NKIRAS1: variants seen among roughly 807,000 people sequenced by gnomAD.
NKIRAS1 encodes the protein NF-kappa-B inhibitor-interacting Ras-like protein 1.
Under a neutral mutation model 19.8 loss-of-function variants are expected in NKIRAS1, and 16 were observed. The observed-to-expected ratio is 0.81, with a 90% CI of 0.55 to 1.23. The LOEUF (loss-of-function observed/expected upper bound fraction) is 1.23. Ranked by LOEUF, NKIRAS1 falls within the 50% of genes most tolerant of loss-of-function variation. NKIRAS1 has a pLI of 0.00. For missense variants in NKIRAS1, 184 were observed against 220.0 expected (o/e 0.84, Z 1.04); for synonymous variants, 88 against 79.0 (o/e 1.11, Z -0.61).
At chr3:23,894,322 G>C (rs1351854422) in intron 4 of NKIRAS1, among the ~76,000 whole-genome samples, 1 of 152,198 alleles carries the variant, frequency 6.6e-6, no homozygotes, top group Admixed American at 6.5e-5. Context: ...GAGCAGCAGT[G>C]AACTCATCAG....
At chr3:23,937,989 G>C (rs189843071) in intron 1 of NKIRAS1, among the ~76,000 whole-genome samples, 4 of 151,854 alleles carry the variant, frequency 2.6e-5, no homozygotes, top group African/African-American at 9.7e-5. Flanking sequence ...CAAGAAACTG[G>C]GTCTATATCT....
intron 3 of NKIRAS1, among the ~76,000 whole-genome samples, chr3:23,908,947 G>T (rs1210969488): frequency 6.6e-6 from 1 of 151,362 alleles, no homozygotes; most frequent in African/African-American, 2.4e-5. Flanking sequence ...TCCCACCTTG[G>T]CCTCCCAAAG....
chr3:23,933,951 C>A (rs1705355344), intron 1 of NKIRAS1, among the ~76,000 whole-genome samples: 1 of 152,170 alleles, frequency 6.6e-6, no homozygotes. Flanking sequence ...GCTTCAACAT[C>A]TTTTACAATG....
intron 1 of NKIRAS1, among the ~76,000 whole-genome samples, chr3:23,940,401 A>G (rs1705472510): frequency 6.6e-6 from 1 of 152,052 alleles, no homozygotes; most frequent in Non-Finnish European, 1.5e-5. Context: ...ATTAAACACA[A>G]CTTGACAGTT....
At chr3:23,911,724 T>C (rs1703757357) in intron 1 of NKIRAS1, among the ~76,000 whole-genome samples, 1 of 151,472 alleles carries the variant, frequency 6.6e-6, no homozygotes, top group Non-Finnish European at 1.5e-5. Flanking sequence ...GTCAGTCTTT[T>C]CTCGAGAAGG....
intron 1 of NKIRAS1, among the ~76,000 whole-genome samples, chr3:23,942,952 C>T (rs758623064): frequency 6.6e-6 from 1 of 151,948 alleles, no homozygotes; most frequent in Non-Finnish European, 1.5e-5. Flanking sequence ...TTCGCCATAT[C>T]GCCCAGGCTA....
intron 1 of NKIRAS1, among the ~76,000 whole-genome samples, chr3:23,913,675 C>G (rs910591527): frequency 1.3e-5 from 2 of 152,190 alleles, no homozygotes; most frequent in Non-Finnish European, 2.9e-5. Context: ...AAGTTTGGTT[C>G]TTAAAGCACT....
At chr3:23,937,645 T>C (rs1485978780) in intron 1 of NKIRAS1, among the ~76,000 whole-genome samples, 3 of 152,116 alleles carry the variant, frequency 2.0e-5, no homozygotes, top group African/African-American at 7.2e-5. Context: ...GCATTTCATA[T>C]AGCATTTTTT....
chr3:23,918,065 A>G (rs1704766565), upstream of NKIRAS1: 2 of 1,584,452 alleles, frequency 1.3e-6, no homozygotes, highest in Non-Finnish European at 1.7e-6. Flanking sequence ...CTTGGATAAA[A>G]TTATATTCGA....
chr3:23,918,418 T>C (rs780161534), upstream of NKIRAS1: 1 of 1,608,506 alleles, frequency 6.2e-7, no homozygotes, highest in Non-Finnish European at 8.5e-7. Context: ...AAATCACTAA[T>C]TTCGTGTGTG....
rs1325558596 is a variant in NKIRAS1 at position 23,891,143 on chromosome 3, AAAAAAGGTCTG to A, written c.*1941_*1951del. 1 of 152,638 alleles carries A rather than the reference AAAAAAGGTCTG, an allele frequency of 6.6e-6. No homozygotes were observed. The highest frequency in any genetic ancestry group is 1.5e-5 in the Non-Finnish European group (1 of 68,096). The allele number at this position is 152,638 out of a possible 1,614,324, so 9.5% of individuals were successfully genotyped here. ...TTTTATATGCCAATCTACTTTGTTT[AAAAAAGGTCTG>A]AATCAGGACTTGTGAAAACCTGTAG... On this transcript the variant is annotated 3_prime_UTR_variant, in exon 5 of 5. Transcript: ENST00000425478.
upstream of NKIRAS1, chr3:23,917,832 C>G (rs1432442154): frequency 2.5e-6 from 4 of 1,598,732 alleles, no homozygotes; most frequent in Non-Finnish European, 3.4e-6. Flanking sequence ...ATATTTAATA[C>G]ACAGTTTGAT....
chr3:23,924,934 G>T (rs7633520), intron 1 of NKIRAS1, among the ~76,000 whole-genome samples: 56,725 of 152,030 alleles, frequency 0.37, 12,038 homozygotes, highest in African/African-American at 0.58. Flanking sequence ...CTTCATGTAT[G>T]TTAAAGATTG....
chr3:23,906,843 G>A (rs1223824316), intron 3 of NKIRAS1, among the ~76,000 whole-genome samples: 1 of 151,936 alleles, frequency 6.6e-6, no homozygotes, highest in African/African-American at 2.4e-5. Context: ...TTAAATAATG[G>A]TAACCTCTTA....
rs895329009 is a variant in NKIRAS1, at chr3:23,927,763, A to G, written c.-139-16313T>C. Among the ~76,000 whole-genome samples the G allele has an allele frequency of 2.0e-5, 3 of 152,202 alleles. No homozygotes were observed. The highest frequency in any genetic ancestry group is 6.5e-5 in the Admixed American group (1 of 15,276). ...TTAACTAAGCTAGGATGTTTTGCTT[A>G]TCAAAAAGAAAGATTCAAAAAATGA... is the stretch of plus-strand genomic sequence containing the variant. On this transcript the variant is annotated intron_variant, in intron 1 of 4. Coordinates refer to the NKIRAS1 transcript ENST00000421515. This position sits in a 1 kb window ranked among gnomAD's most constrained non-coding sequence, Gnocchi z 4.0.
At chr3:23,920,478 G>A (rs1221541327), upstream of NKIRAS1, 1 of 985,320 alleles carries the variant, frequency 1.0e-6, no homozygotes, top group African/African-American at 1.7e-5. Context: ...CATCACTTGT[G>A]CACCCACTTT....
At chr3:23,911,627 T>TA (rs1454923149) in intron 1 of NKIRAS1, among the ~76,000 whole-genome samples, 177 bp from the exon 2 acceptor site, 1 of 152,090 alleles carries the variant, frequency 6.6e-6, no homozygotes, top group African/African-American at 2.4e-5. Flanking sequence ...CCTGGAAAAA[T>TA]AAACATTTAA....
intron 1 of NKIRAS1, among the ~76,000 whole-genome samples, chr3:23,912,575 A>C (rs1703869435): frequency 6.6e-6 from 1 of 152,266 alleles, no homozygotes; most frequent in South Asian, 2.1e-4. Context: ...AAATAGGAAC[A>C]CTTTTACACT....
At chr3:23,905,736 G>A (rs926919161) in intron 3 of NKIRAS1, among the ~76,000 whole-genome samples, 7 of 149,562 alleles carry the variant, frequency 4.7e-5, no homozygotes, top group Non-Finnish European at 8.9e-5. Flanking sequence ...ATCATCACTG[G>A]ATGTTCTGTT....
Sources: gnomAD v4.1 joint callset for allele counts (sites outside exome capture counted in the v4.1 genomes callset) on GRCh38, gnomAD v4.1.1 for gene constraint, Gnocchi (gnomAD v3.1) non-coding constraint, MANE v1.5 for transcripts, NCBI Gene and HGNC (gene_info 2026-07-23, HGNC 2026-07-21) for gene names.